The following FHIT variants were observed in gnomAD, a reference collection of about 807,000 sequenced individuals.
FHIT encodes fragile histidine triad diadenosine triphosphatase.
A neutral mutation model predicts 17.9 loss-of-function variants in FHIT; 19 were observed. The observed-to-expected ratio is 1.06, with a 90% CI of 0.74 to 1.56. FHIT has a LOEUF of 1.56. Among genes scored for constraint, FHIT ranks in the 40% most tolerant of loss-of-function variants. The pLI is 0.00. For missense variants in FHIT, 248 were observed against 189.2 expected (o/e 1.31, Z -1.82); for synonymous variants, 81 against 69.7 (o/e 1.16, Z -0.81).
At chr3:60,163,235 A>C (rs375193581) in intron 5 of FHIT, among the ~76,000 whole-genome samples, 2 of 152,154 alleles carry the variant, frequency 1.3e-5, no homozygotes, top group Non-Finnish European at 2.9e-5. Context: ...GCACAGATTC[A>C]AGCCCAGTTG....
At chr3:61,187,522 C>A (rs543203035) in intron 2 of FHIT, among the ~76,000 whole-genome samples, 1 of 152,126 alleles carries the variant, frequency 6.6e-6, no homozygotes, top group Non-Finnish European at 1.5e-5. Context: ...CACAGATCAA[C>A]GAGACAGAAA....
At position 60,890,221 on chromosome 3, in the gene FHIT, T is replaced by TAAAAAAAAAAAAAAAAA. The variant is rs59950717; in HGVS notation, c.-110-68227_-110-68211dup. On this transcript the variant is annotated intron_variant, in intron 3 of 9. Transcript: ENST00000492590. ...TTCCAAAAAATTAGCTTCCATGATG[T>TAAAAAAAAAAAAAAAAA]AAAAAAAAAAAAAAAAAAAAAAAAA... Among the ~76,000 whole-genome samples, 55 of 115,630 alleles carry TAAAAAAAAAAAAAAAAA rather than the reference T, an allele frequency of 4.8e-4. 1 individual carries two copies. The highest frequency in any genetic ancestry group is 1.6e-3 in the African/African-American group (41 of 26,408). 75.9% of individuals were successfully genotyped at this position (115,630 alleles called of 152,430 possible). A position where few individuals can be genotyped will look rare whatever the true frequency, so the allele number is the denominator to read the frequency against.
At chr3:61,209,773 C>A (rs142987163) in intron 1 of FHIT, among the ~76,000 whole-genome samples, 1,755 of 152,212 alleles carry the variant, frequency 0.012, 21 homozygotes, top group Non-Finnish European at 0.019. Flanking sequence ...TCCTTTAGCT[C>A]GGAGTAGTTT....
At position 60,686,414 on chromosome 3, in the gene FHIT, C is replaced by G. The variant is rs782258269; in HGVS notation, c.-18+135505G>C. On this transcript the variant is annotated intron_variant, in intron 4 of 9. Transcript: ENST00000492590. ...GTAATGAAAAGTAATTGCAAAACCACGATTACTTTTGCACCAACCTAATAT... is the reference window on the plus strand; with the variant it reads ...GTAATGAAAAGTAATTGCAAAACCAGGATTACTTTTGCACCAACCTAATAT... Among the ~76,000 whole-genome samples, 22 of 152,142 alleles carry G rather than the reference C, an allele frequency of 1.4e-4. 1 individual carries two copies. Among genetic ancestry groups the G allele is most frequent in the Middle Eastern group, 3.4e-3 (1 of 294 alleles).
rs549824681 is a variant in FHIT at position 60,362,444 on chromosome 3, C to A, written c.103+174416G>T. Among the ~76,000 whole-genome samples the A allele has an allele frequency of 5.9e-5, 9 of 152,146 alleles. 1 individual carries two copies. In the South Asian group the frequency reaches 1.9e-3, roughly 32 times the overall value. ...TGTTGTTTTAATTTCATTTTCAGAA[C>A]AAATTAATTTATCTCACCACACTTT... is the stretch of plus-strand genomic sequence containing the variant. On this transcript the variant is annotated intron_variant, in intron 5 of 9. Coordinates refer to ENST00000492590, the MANE Select transcript of FHIT (RefSeq NM_002012.4).
At chr3:60,607,384 G>C (rs782729744) in intron 4 of FHIT, among the ~76,000 whole-genome samples, 12 of 151,754 alleles carry the variant, frequency 7.9e-5, no homozygotes, top group Non-Finnish European at 1.2e-4. Context: ...TTTATTACTT[G>C]CAAGGGTTGG....
intron 2 of FHIT, among the ~76,000 whole-genome samples, chr3:61,192,464 T>G (rs573421609): frequency 6.6e-6 from 1 of 152,308 alleles, no homozygotes; most frequent in African/African-American, 2.4e-5. Context: ...GCAGTTAGAT[T>G]CCAGACATTT....
chr3:59,770,005 T>G (rs1702002427), intron 8 of FHIT, among the ~76,000 whole-genome samples: 1 of 152,200 alleles, frequency 6.6e-6, no homozygotes. Context: ...CCTTTTCCAT[T>G]TCAATTTGGG....
At chr3:59,950,409 G>A (rs1707054949) in intron 7 of FHIT, among the ~76,000 whole-genome samples, 1 of 151,894 alleles carries the variant, frequency 6.6e-6, no homozygotes, top group African/African-American at 2.4e-5. Flanking sequence ...ATCATATCAG[G>A]CACATGCCAG....
rs912766955 is a variant in FHIT, at chr3:60,301,599, AC to A, written c.103+235260del. ...ACCCTTCTCCAGTTCCTTTTGACAT[AC>A]CCCCCAGTTTCCCTGGTGTTGGTTC... is the stretch of plus-strand genomic sequence containing the variant. On this transcript the variant is annotated intron_variant, in intron 5 of 9. Coordinates refer to ENST00000492590, the MANE Select transcript of FHIT (RefSeq NM_002012.4). Among the ~76,000 whole-genome samples, 11 of 151,922 alleles carry A rather than the reference AC, an allele frequency of 7.2e-5. No homozygotes were observed. The East Asian group carries it at 1.4e-3, about 19-fold the overall frequency.
At chr3:60,409,909 C>T (rs992611642) in intron 5 of FHIT, among the ~76,000 whole-genome samples, 2 of 152,144 alleles carry the variant, frequency 1.3e-5, no homozygotes, top group African/African-American at 4.8e-5. Flanking sequence ...GATATGCATT[C>T]CATCTGTTTA....
intron 5 of FHIT, among the ~76,000 whole-genome samples, chr3:60,467,554 A>T (rs1370559784): frequency 3.3e-5 from 5 of 151,700 alleles, no homozygotes; most frequent in Admixed American, 3.3e-4. Flanking sequence ...TATTTTTAAA[A>T]TTTTCTTAAT....
At chr3:60,681,293 G>T (rs1445681890) in intron 4 of FHIT, among the ~76,000 whole-genome samples, 2 of 152,118 alleles carry the variant, frequency 1.3e-5, no homozygotes, top group Non-Finnish European at 2.9e-5. Context: ...TAAGTGTTAT[G>T]GAGCCCAATA....
At chr3:61,085,430 T>G (rs113049034) in intron 2 of FHIT, among the ~76,000 whole-genome samples, 1 of 152,158 alleles carries the variant, frequency 6.6e-6, no homozygotes, top group Non-Finnish European at 1.5e-5. Context: ...ATGATAAGCA[T>G]TTTTCATGTG....
At chr3:59,781,951 T>A (rs1287418522) in intron 8 of FHIT, among the ~76,000 whole-genome samples, 1 of 152,228 alleles carries the variant, frequency 6.6e-6, no homozygotes, top group Non-Finnish European at 1.5e-5. Flanking sequence ...ACATATGCTC[T>A]AGATTTGCAT....
At chr3:59,985,710 T>G (rs577145138) in intron 7 of FHIT, among the ~76,000 whole-genome samples, 21 of 152,264 alleles carry the variant, frequency 1.4e-4, no homozygotes, top group African/African-American at 4.8e-4. Flanking sequence ...GAGTCCTGTC[T>G]GTCTTAAAGC....
At chr3:59,930,252 G>A (rs886332802) in intron 7 of FHIT, among the ~76,000 whole-genome samples, 2 of 152,274 alleles carry the variant, frequency 1.3e-5, no homozygotes, top group Non-Finnish European at 2.9e-5. Context: ...CCAGTCAGAT[G>A]CAAGTCAGGC....
chr3:60,959,285 C>G (rs1450215473), intron 3 of FHIT, among the ~76,000 whole-genome samples: 1 of 152,096 alleles, frequency 6.6e-6, no homozygotes, highest in African/African-American at 2.4e-5. Flanking sequence ...AAAAATCAGC[C>G]CTTTCATTTA....
intron 5 of FHIT, among the ~76,000 whole-genome samples, chr3:60,214,726 G>A (rs561267190): frequency 6.6e-6 from 1 of 152,296 alleles, no homozygotes; most frequent in South Asian, 2.1e-4. Context: ...TATGTTCATT[G>A]CAGTACTATT....
Sources: allele counts gnomAD v4.1 joint callset (sites outside exome capture counted in the v4.1 genomes callset), GRCh38; gene constraint gnomAD v4.1.1; transcripts MANE v1.5; gene names NCBI Gene and HGNC (gene_info 2026-07-23, HGNC 2026-07-21).